Variants in RASGRP2 observed in about 807,000 individuals in gnomAD.
RASGRP2 encodes RAS guanyl-releasing protein 2.
In RASGRP2, 44 loss-of-function variants were observed where a neutral mutation model predicts 71.0. The observed-to-expected ratio is 0.62, with a 90% CI of 0.49 to 0.80. The LOEUF (loss-of-function observed/expected upper bound fraction) is 0.80. Among genes scored for constraint, RASGRP2 ranks in the 30% least tolerant of loss-of-function variants. The pLI, the probability that RASGRP2 is intolerant of heterozygous loss-of-function variation, is 0.00. For synonymous variants in RASGRP2, 350 were observed against 330.7 expected (o/e 1.06, Z -0.63); for missense variants, 663 against 813.4 (o/e 0.82, Z 2.25).
intron 3 of RASGRP2, 24 bp from the exon 4 acceptor site, chr11:64,741,525 C>A (rs1460239836): frequency 6.5e-7 from 1 of 1,548,228 alleles, no homozygotes; most frequent in African/African-American, 1.4e-5. Context: ...TTAAGGAGGC[C>A]GCTTAACTCT....
At chr11:64,741,868 T>C (rs2058135181) in intron 3 of RASGRP2, 142 bp downstream of exon 3, 3 of 759,226 alleles carry the variant, frequency 4.0e-6, no homozygotes, top group Non-Finnish European at 6.9e-6. Flanking sequence ...TAGGCCCTAG[T>C]TGGAGGCTGG....
upstream of RASGRP2, chr11:64,744,411 C>T (rs550461088): frequency 3.0e-6 from 2 of 670,196 alleles, no homozygotes; most frequent in Non-Finnish European, 3.7e-6. Flanking sequence ...CAGAGCCGTC[C>T]CCGCCTGGCT....
At position 64,743,116 on chromosome 11, in the gene RASGRP2, C is replaced by G; in HGVS notation, c.-71-179G>C. 1.4e-6 allele frequency: 1 copy of G among 731,708 alleles called. No individual in the cohort carries two copies. The highest frequency in any genetic ancestry group is 2.8e-5 in the East Asian group (1 of 35,414). 45.3% of individuals were successfully genotyped at this position (731,708 alleles called of 1,614,324 possible). A position where few individuals can be genotyped will look rare whatever the true frequency, so the allele number is the denominator to read the frequency against. ...ATGGTGCAACCCGCCAGTTGGGAAA[C>G]GGACCCGCAGAGAGGCTTCCGGCCC... is the stretch of plus-strand genomic sequence containing the variant. On this transcript the variant is annotated intron_variant, in intron 1 of 16. Coordinates refer to ENST00000394432, the MANE Select transcript of RASGRP2 (RefSeq NM_001098671.2). This position sits in a 1 kb window ranked among gnomAD's most constrained non-coding sequence, Gnocchi z 4.9.
Position 64,735,266 on chromosome 11 carries a change from G to T in RASGRP2, c.1297-39C>A. ...AGGGACACGCAGAGCCAGAAGAGGGGAGAGTAAAGGGGACATCAGGTCCTG... is the reference window on the plus strand; with the variant it reads ...AGGGACACGCAGAGCCAGAAGAGGGTAGAGTAAAGGGGACATCAGGTCCTG... On this transcript the variant is annotated intron_variant, in intron 11 of 16. Coordinates refer to ENST00000394432, the MANE Select transcript of RASGRP2 (RefSeq NM_001098671.2). The surrounding 1 kb of genome is among the most constrained non-coding windows in gnomAD (Gnocchi z 4.2). 1.3e-6 allele frequency: 2 copies of T among 1,515,862 alleles called. No homozygotes were observed. Among genetic ancestry groups the T allele is most frequent in the Non-Finnish European group, 1.8e-6 (2 of 1,090,994 alleles). 93.9% of individuals were successfully genotyped at this position (1,515,862 alleles called of 1,614,324 possible). A position where few individuals can be genotyped will look rare whatever the true frequency, so the allele number is the denominator to read the frequency against.
chr11:64,734,009 T>C (rs1355249650), intron 12 of RASGRP2, among the ~76,000 whole-genome samples: 1 of 151,468 alleles, frequency 6.6e-6, no homozygotes, highest in East Asian at 2.0e-4. Flanking sequence ...GTGCCACCCA[T>C]GCCCAAAAAA....
rs2058167526 is a variant in RASGRP2, at chr11:64,742,628, C to G, written c.73+166G>C. ...CCTCATCTGTCTGAAGGGCGTGCATCTCTCTGCCCTGCGTTGCGGAGGAGG... is the reference window on the plus strand; with the variant it reads ...CCTCATCTGTCTGAAGGGCGTGCATGTCTCTGCCCTGCGTTGCGGAGGAGG... On this transcript the variant is annotated intron_variant, in intron 2 of 16. Transcript: ENST00000394432. The surrounding 1 kb of genome is among the most constrained non-coding windows in gnomAD (Gnocchi z 4.7). 1.1e-6 allele frequency: 1 copy of G among 904,224 alleles called. No individual in the cohort carries two copies. 56.0% of individuals were successfully genotyped at this position (904,224 alleles called of 1,614,324 possible).
At chr11:64,744,517 T>A (rs2058244161), upstream of RASGRP2, 1 of 162,238 alleles carries the variant, frequency 6.2e-6, no homozygotes. Context: ...AGGGCCCCGC[T>A]GGAAGGTGGC....
chr11:64,737,542 C>G (rs530548885), intron 8 of RASGRP2, among the ~76,000 whole-genome samples: 17 of 151,954 alleles, frequency 1.1e-4, no homozygotes, highest in Admixed American at 1.0e-3. Flanking sequence ...TGTGGTGGTG[C>G]ATGCCTGTAG....
Position 64,728,977 on chromosome 11 carries a change from G to A in RASGRP2, c.1657C>T (p.Gln553Ter), listed in dbSNP as rs1191495832. The A allele has an allele frequency of 6.2e-7, 1 of 1,610,702 alleles. No homozygotes were observed. Among genetic ancestry groups the A allele is most frequent in the Non-Finnish European group, 8.5e-7 (1 of 1,179,596 alleles). ...RLSVECRRRA[Q>*]SVSLEGSAPS... The stretch of plus-strand genomic sequence containing the variant: ...GCAGACCCCTCCAGGCTCACACTCT[G>A]GGCCCTGCGCCGACACTCAACTGAC... The change falls in exon 15 of 17, where the codon CAG (glutamine) becomes TAG (stop). Residue 553 changes from glutamine (Q) to a stop codon, truncating the protein, a stop_gained. Transcript: ENST00000394432. LOFTEE classifies it high-confidence loss of function.
Position 64,739,374 on chromosome 11 carries a change from G to T in RASGRP2, c.799C>A (p.Pro267Thr). The T allele has an allele frequency of 6.2e-7, 1 of 1,614,086 alleles. No homozygotes were observed. Among genetic ancestry groups the T allele is most frequent in the Non-Finnish European group, 8.5e-7 (1 of 1,179,964 alleles). Reference protein sequence around the residue: ...RLKETHSHVSPETIKLWEGLT... With the variant: ...RLKETHSHVSTETIKLWEGLT... ...GTCCCAGGCACCTTGATGGTCTCAGGGCTAACGTGGCTGTGGGTCTCCTTG... is the reference window on the plus strand; with the variant it reads ...GTCCCAGGCACCTTGATGGTCTCAGTGCTAACGTGGCTGTGGGTCTCCTTG... Residue 267 changes from proline (P) to threonine (T), a missense_variant, in exon 8 of 17, where the codon CCT becomes ACT. Coordinates refer to ENST00000394432, the MANE Select transcript of RASGRP2 (RefSeq NM_001098671.2). This position sits in a 1 kb window ranked among gnomAD's most constrained non-coding sequence, Gnocchi z 4.2.
intron 14 of RASGRP2, 139 bp from the exon 15 acceptor site, chr11:64,729,181 G>A (rs2057676612): frequency 1.2e-6 from 1 of 850,082 alleles, no homozygotes; most frequent in African/African-American, 1.7e-5. Context: ...TCCTTCCAAA[G>A]TGTTCTCCTC....
At chr11:64,727,195 G>T in intron 16 of RASGRP2, 64 bp from the exon 17 acceptor site, 1 of 1,023,084 alleles carries the variant, frequency 9.8e-7, no homozygotes, top group East Asian at 2.5e-5. Context: ...TAGCCCACCT[G>T]GCTTGGAGCC....
chr11:64,728,544 C>T (rs2057649798), intron 15 of RASGRP2, among the ~76,000 whole-genome samples: 1 of 152,126 alleles, frequency 6.6e-6, no homozygotes, highest in Non-Finnish European at 1.5e-5. Flanking sequence ...TCTCCTGCCT[C>T]AGCCTCCCAA....
Position 64,730,067 on chromosome 11 carries a change from G to C in RASGRP2, c.1540C>G (p.His514Asp). The stretch of plus-strand genomic sequence containing the variant: ...GGGACTCTCACCAGGGCTTTGCAGT[G>C]GCGGCAGGCGACGGGGCGCAAGGAG... ...SNSLRPVACR[H>D]CKALILGIYK... is the part of the protein sequence containing the mutation. The change falls in exon 13 of 17, where the codon CAC (histidine) becomes GAC (aspartate). Residue 514 changes from histidine (H) to aspartate (D), a missense_variant. Physicochemically the swap from His to Asp is moderately conservative, Grantham distance 81. Coordinates refer to ENST00000394432, the MANE Select transcript of RASGRP2 (RefSeq NM_001098671.2). 1 of 1,550,806 alleles carries C rather than the reference G, an allele frequency of 6.4e-7. No homozygotes were observed. The highest frequency in any genetic ancestry group is 8.7e-7 in the Non-Finnish European group (1 of 1,147,834).
At position 64,735,449 on chromosome 11, in the gene RASGRP2, G is replaced by A. The variant is rs1024310906; in HGVS notation, c.1296+93C>T. 154 of 1,598,690 alleles carry A rather than the reference G, an allele frequency of 9.6e-5. No homozygotes were observed. Among genetic ancestry groups the A allele is most frequent in the Non-Finnish European group, 1.2e-4 (146 of 1,172,788 alleles). On this transcript the variant is annotated intron_variant, in intron 11 of 16. Coordinates refer to ENST00000394432, the MANE Select transcript of RASGRP2 (RefSeq NM_001098671.2). This position sits in a 1 kb window ranked among gnomAD's most constrained non-coding sequence, Gnocchi z 4.2. ...TGTGACTCCTAGGGGCTGAGTGCTG[G>A]GTCTTGAACAGGACACTCGTGCTGG...
rs967781825 is a variant in RASGRP2 at position 64,739,936 on chromosome 11, C to T, written c.522+77G>A. 14 of 1,609,542 alleles carry T rather than the reference C, an allele frequency of 8.7e-6. No homozygotes were observed. The highest frequency in any genetic ancestry group is 4.0e-5 in the African/African-American group (3 of 74,798). ...CTGATGCACCCTGTGACCCAGCCTA[C>T]GCCAGGGACCCTGCCCCTCCTAGAA... On this transcript the variant is annotated intron_variant, in intron 6 of 16. Coordinates refer to ENST00000394432, the MANE Select transcript of RASGRP2 (RefSeq NM_001098671.2). This position sits in a 1 kb window ranked among gnomAD's most constrained non-coding sequence, Gnocchi z 4.2.
In RASGRP2 at chr11:64,743,729, G is replaced by T. The variant is rs1237912060; in HGVS notation, c.-72+274C>A. ...GAACTGTGAGCGCGCACGGAGCAGG[G>T]TGTCCAGAGGGGGGCGCTCGCGCCA... On this transcript the variant is annotated intron_variant, in intron 1 of 16. Transcript: ENST00000394432. The surrounding 1 kb of genome is among the most constrained non-coding windows in gnomAD (Gnocchi z 4.9). 1 of 332,310 alleles carries T rather than the reference G, an allele frequency of 3.0e-6. No homozygotes were observed. The highest frequency in any genetic ancestry group is 2.2e-5 in the South Asian group (1 of 45,390). The allele number at this position is 332,310 out of a possible 1,614,324, so 20.6% of individuals were successfully genotyped here.
At chr11:64,737,830 G>C (rs2057996195) in intron 8 of RASGRP2, among the ~76,000 whole-genome samples, 1 of 152,040 alleles carries the variant, frequency 6.6e-6, no homozygotes, top group East Asian at 1.9e-4. Context: ...AAAGCGGGTG[G>C]ATTGCCTGAG....
intron 12 of RASGRP2, among the ~76,000 whole-genome samples, chr11:64,733,227 C>G (rs1341037419): frequency 6.6e-6 from 1 of 152,058 alleles, no homozygotes; most frequent in African/African-American, 2.4e-5. Flanking sequence ...GCTGTAAATG[C>G]ATAGATAATT....
Sources: allele counts gnomAD v4.1 joint callset (sites outside exome capture counted in the v4.1 genomes callset), GRCh38; gene constraint gnomAD v4.1.1; non-coding constraint Gnocchi (gnomAD v3.1); transcripts MANE v1.5; gene names NCBI Gene and HGNC (gene_info 2026-07-23, HGNC 2026-07-21).